Variants in SLC9A3 observed in about 807,000 individuals in gnomAD.
The protein encoded by SLC9A3 is sodium/hydrogen exchanger 3.
A neutral mutation model predicts 86.8 loss-of-function variants in SLC9A3; 37 were observed. That is an observed-to-expected ratio of 0.43 (90% CI 0.33 to 0.56). The LOEUF (loss-of-function observed/expected upper bound fraction) is 0.56, where lower values mean the gene tolerates loss of function less well. Among genes scored for constraint, SLC9A3 ranks in the 20% least tolerant of loss-of-function variants. SLC9A3 has a pLI of 0.06. For synonymous variants in SLC9A3, 581 were observed against 528.3 expected (o/e 1.10, Z -1.37); for missense variants, 1,011 against 1,171.9 (o/e 0.86, Z 2.00).
Position 482,563 on chromosome 5 carries a change from G to A in SLC9A3, c.1341C>T (p.Phe447=), listed in dbSNP as rs777307749. ...FVSTTIIVVF[F]TVIFQGLTIK... is the part of the protein sequence containing the mutation. ...TGGGCCTCACCTGGAAGATGACGGTGAAGAACACTACGATGATGGTGGTGC... is the reference window on the plus strand; with the variant it reads ...TGGGCCTCACCTGGAAGATGACGGTAAAGAACACTACGATGATGGTGGTGC... The change falls in exon 7 of 17, where the codon TTC becomes TTT. Residue 447 remains phenylalanine (F), a synonymous_variant. Transcript: ENST00000264938. The A allele has an allele frequency of 2.7e-5, 43 of 1,612,124 alleles. No individual in the cohort carries two copies. The highest frequency in any genetic ancestry group is 3.5e-5 in the Non-Finnish European group (41 of 1,179,360).
In SLC9A3 at chr5:475,929, G is replaced by C. The variant is rs978259347; in HGVS notation, c.2140+91C>G. On this transcript the variant is annotated intron_variant, in intron 14 of 16. Transcript: ENST00000264938. ...GGCTGGAGGGTCCCCAGAGGGGAAGGTCCTGAGAGGGGAGGTTCCCGAGCC... is the reference window on the plus strand; with the variant it reads ...GGCTGGAGGGTCCCCAGAGGGGAAGCTCCTGAGAGGGGAGGTTCCCGAGCC... 4.3e-6 allele frequency: 5 copies of C among 1,155,730 alleles called. No homozygotes were observed. In the African/African-American group the frequency reaches 7.8e-5, roughly 18 times the overall value. 71.6% of individuals were successfully genotyped at this position (1,155,730 alleles called of 1,614,324 possible).
intron 1 of SLC9A3, among the ~76,000 whole-genome samples, chr5:520,982 G>A (rs1051927705): frequency 6.6e-6 from 1 of 152,204 alleles, no homozygotes; most frequent in African/African-American, 2.4e-5. Context: ...GCCCTGGTGC[G>A]GGTGGCTGCA....
intron 1 of SLC9A3, among the ~76,000 whole-genome samples, chr5:503,011 A>T (rs1579809400): frequency 6.6e-6 from 1 of 150,992 alleles, no homozygotes; most frequent in East Asian, 1.9e-4. Context: ...TTCCAGTGAA[A>T]CTTTATTTAC....
chr5:477,267 C>G, intron 11 of SLC9A3, 65 bp downstream of exon 11: 1 of 1,195,208 alleles, frequency 8.4e-7, no homozygotes, highest in South Asian at 1.4e-5. Flanking sequence ...ACAGCCCTGT[C>G]TGTGACTCTC....
chr5:476,203 C>G lies in SLC9A3; in HGVS notation c.2066G>C (p.Arg689Pro), dbSNP rs941298118. Residue 689 changes from arginine (R) to proline (P), a missense_variant and splice_region_variant, in exon 13 of 17, where the codon CGG (arginine) becomes CCG (proline). Arg to Pro is a moderately radical substitution (Grantham distance 103). This residue lies in a region of SLC9A3 where 397 missense variants were observed against 346.3 expected (regional missense o/e 1.15). Transcript: ENST00000264938. ...KLYKRERAQK[R>P]RNSSIPNGKL... ...AGCCTCCTGGTGACCCAGCCTTACC[C>G]GCTTCTGGGCACGCTCCCGCTTGTA... 6.2e-7 allele frequency: 1 copy of G among 1,613,618 alleles called. No homozygotes were observed. The highest frequency in any genetic ancestry group is 8.5e-7 in the Non-Finnish European group (1 of 1,179,890).
chr5:505,929 T>G (rs1740558410), intron 1 of SLC9A3, among the ~76,000 whole-genome samples: 2 of 147,914 alleles, frequency 1.4e-5, no homozygotes, highest in African/African-American at 2.5e-5. Flanking sequence ...CACTTTGGGG[T>G]GGGGTTAGGG....
At chr5:498,162 G>A (rs1482069996) in intron 1 of SLC9A3, among the ~76,000 whole-genome samples, 14 of 152,180 alleles carry the variant, frequency 9.2e-5, no homozygotes, top group East Asian at 3.9e-4. Flanking sequence ...CTGCTACTTC[G>A]GGGCCACGTC....
At chr5:521,717 G>C (rs766525382) in intron 1 of SLC9A3, among the ~76,000 whole-genome samples, 2 of 152,332 alleles carry the variant, frequency 1.3e-5, no homozygotes, top group Middle Eastern at 3.4e-3. Context: ...AGAAGTTCCC[G>C]CTGTGGTGCA....
intron 1 of SLC9A3, among the ~76,000 whole-genome samples, chr5:510,398 C>T (rs1740825196): frequency 6.6e-6 from 1 of 152,212 alleles, no homozygotes; most frequent in Non-Finnish European, 1.5e-5. Context: ...CAGGGGCCAG[C>T]ACAGTCAGGC....
chr5:494,930 C>G (rs936270855), intron 1 of SLC9A3, among the ~76,000 whole-genome samples: 1 of 152,198 alleles, frequency 6.6e-6, no homozygotes, highest in Non-Finnish European at 1.5e-5. Flanking sequence ...GTAATCGGCT[C>G]ACCTGTCCTC....
At position 491,819 on chromosome 5, in the gene SLC9A3, G is replaced by A. The variant is rs376474403; in HGVS notation, c.464C>T (p.Ala155Val). Residue 155 changes from alanine to valine, a missense_variant, in exon 2 of 17, where the codon GCG becomes GTG. Around this residue, in one of 3 missense-constraint regions of SLC9A3, gnomAD observed 565 missense variants for 790.0 expected, o/e 0.72. Coordinates refer to ENST00000264938, the MANE Select transcript of SLC9A3 (RefSeq NM_004174.4). The surrounding 1 kb of genome is among the most constrained non-coding windows in gnomAD (Gnocchi z 9.2). ...GTAGAGGGACAGCCCGGTGGTGGCC[G>A]CGTTCCACACGGTACCCACGACGGC... Reference protein sequence around the residue: ...LYAVVGTVWNAATTGLSLYGV... With the variant: ...LYAVVGTVWNVATTGLSLYGV... 6.3e-6 allele frequency: 10 copies of A among 1,590,786 alleles called. No individual in the cohort carries two copies. Among genetic ancestry groups the A allele is most frequent in the Admixed American group, 5.3e-5 (3 of 57,042 alleles).
chr5:474,934 G>A lies in SLC9A3; in HGVS notation c.2450C>T (p.Ala817Val). The A allele has an allele frequency of 6.2e-7, 1 of 1,604,984 alleles. No individual in the cohort carries two copies. The highest frequency in any genetic ancestry group is 8.5e-7 in the Non-Finnish European group (1 of 1,176,790). ...SSKSVDSFLQ[A>V]DGPEERPPAA... ...GGGGGGCCGCTCCTCGGGGCCGTCT[G>A]CCTGCAGGAAGGAGTCCACGGACTT... The change falls in exon 16 of 17, where the codon GCA becomes GTA. Residue 817 changes from alanine to valine, a missense_variant. Around this residue, in one of 3 missense-constraint regions of SLC9A3, gnomAD observed 397 missense variants for 346.3 expected, o/e 1.15. Coordinates refer to ENST00000264938, the MANE Select transcript of SLC9A3 (RefSeq NM_004174.4).
At position 473,152 on chromosome 5, in the gene SLC9A3, C is replaced by G. The variant is rs2126598223; in HGVS notation, c.*227G>C. The G allele has an allele frequency of 2.7e-6, 1 of 365,602 alleles. No homozygotes were observed. Among genetic ancestry groups the G allele is most frequent in the Non-Finnish European group, 4.5e-6 (1 of 223,718 alleles). The allele number at this position is 365,602 out of a possible 1,614,324, so 22.6% of individuals were successfully genotyped here. A position where few individuals can be genotyped will look rare whatever the true frequency, so the allele number is the denominator to read the frequency against. On this transcript the variant is annotated 3_prime_UTR_variant, in exon 17 of 17. Coordinates refer to ENST00000264938, the MANE Select transcript of SLC9A3 (RefSeq NM_004174.4). ...GGCAGCCCTCGGCGCTCCGGCCCCGCCCCCGGCGCAGGCCCCGCCCCCGGC... is the reference window on the plus strand; with the variant it reads ...GGCAGCCCTCGGCGCTCCGGCCCCGGCCCCGGCGCAGGCCCCGCCCCCGGC...
At chr5:481,745 G>GCC in intron 8 of SLC9A3, 110 bp from the exon 9 acceptor site, 1 of 734,074 alleles carries the variant, frequency 1.4e-6, no homozygotes, top group Non-Finnish European at 2.1e-6. Context: ...CCCTCACCAC[G>GCC]CCCCTGGCCT....
At chr5:486,335 A>C (rs866775024) in intron 3 of SLC9A3, among the ~76,000 whole-genome samples, 3 of 152,172 alleles carry the variant, frequency 2.0e-5, no homozygotes, top group Admixed American at 6.5e-5. Flanking sequence ...GCCACTCTGC[A>C]CGTGCCCCTC....
chr5:488,808 G>C (rs1739588154), intron 2 of SLC9A3, among the ~76,000 whole-genome samples: 1 of 152,220 alleles, frequency 6.6e-6, no homozygotes, highest in South Asian at 2.1e-4. Flanking sequence ...ATCGCCTGGA[G>C]TGGCGTCCCA....
chr5:500,582 G>A (rs1740219700), intron 1 of SLC9A3, among the ~76,000 whole-genome samples: 1 of 150,128 alleles, frequency 6.7e-6, no homozygotes, highest in African/African-American at 2.5e-5. Flanking sequence ...CAGGGCCGGT[G>A]TGGACATGGG....
At chr5:490,294 G>A (rs1457047350) in intron 2 of SLC9A3, among the ~76,000 whole-genome samples, 2 of 152,218 alleles carry the variant, frequency 1.3e-5, no homozygotes, top group South Asian at 2.1e-4. Flanking sequence ...GTTGGAGGAC[G>A]GTAGAGTCCA....
At chr5:478,759 A>G (rs777142473) in intron 10 of SLC9A3, 124 of 154,664 alleles carry the variant, frequency 8.0e-4, no homozygotes, top group Non-Finnish European at 1.5e-3. Context: ...GCCAGGCTCC[A>G]GGCCTCCTAG....
Sources: allele counts gnomAD v4.1 joint callset (sites outside exome capture counted in the v4.1 genomes callset), GRCh38; gene constraint gnomAD v4.1.1; regional missense constraint gnomAD v4.1.1; non-coding constraint Gnocchi (gnomAD v3.1); transcripts MANE v1.5; gene names NCBI Gene and HGNC (gene_info 2026-07-23, HGNC 2026-07-21).